The following DTNBP1 variants were observed in gnomAD, a reference collection of about 807,000 sequenced individuals.
DTNBP1 encodes dysbindin.
A neutral mutation model predicts 42.8 loss-of-function variants in DTNBP1; 35 were observed. The ratio of observed to expected loss-of-function variants is 0.82; its 90% CI spans 0.63 to 1.09. The LOEUF (loss-of-function observed/expected upper bound fraction) is 1.09, where lower values mean the gene tolerates loss of function less well. Ranked by LOEUF, DTNBP1 falls within the 50% of genes least tolerant of loss-of-function variation. The probability of loss-of-function intolerance (pLI) is 0.00; values close to 1 mark genes in which losing one functional copy is unlikely to be tolerated. For missense variants in DTNBP1, 457 were observed against 424.2 expected (o/e 1.08, Z -0.68); for synonymous variants, 171 against 162.2 (o/e 1.05, Z -0.41).
At chr6:15,534,516 C>T (rs1773092560) in intron 7 of DTNBP1, among the ~76,000 whole-genome samples, 1 of 151,964 alleles carries the variant, frequency 6.6e-6, no homozygotes, top group African/African-American at 2.4e-5. Context: ...AAAAATTAGC[C>T]AGGCATGGTG....
At chr6:15,577,979 G>A (rs1474473387) in intron 7 of DTNBP1, among the ~76,000 whole-genome samples, 2 of 152,234 alleles carry the variant, frequency 1.3e-5, no homozygotes, top group Non-Finnish European at 2.9e-5. Context: ...ACAGGCAAAA[G>A]GGATTAAGGA....
intron 2 of DTNBP1, among the ~76,000 whole-genome samples, chr6:15,651,776 T>C (rs533311887): frequency 2.2e-4 from 33 of 152,208 alleles, no homozygotes; most frequent in Non-Finnish European, 3.8e-4. Flanking sequence ...TATTTCATCA[T>C]TAATTTGCTT....
intron 7 of DTNBP1, among the ~76,000 whole-genome samples, chr6:15,572,236 G>C (rs976737201): frequency 1.3e-5 from 2 of 152,168 alleles, no homozygotes; most frequent in Non-Finnish European, 2.9e-5. Flanking sequence ...GACTTCAGAG[G>C]TTAGGTTACT....
At chr6:15,596,896 C>T (rs946904134) in intron 6 of DTNBP1, among the ~76,000 whole-genome samples, 1 of 152,172 alleles carries the variant, frequency 6.6e-6, no homozygotes, top group Non-Finnish European at 1.5e-5. Flanking sequence ...TTGGCTCATC[C>T]ATCTCCCTCA....
intron 7 of DTNBP1, among the ~76,000 whole-genome samples, chr6:15,582,081 C>T (rs1213752529): frequency 6.6e-6 from 1 of 152,030 alleles, no homozygotes; most frequent in Non-Finnish European, 1.5e-5. Flanking sequence ...AGTTCAAATA[C>T]AGTTAAAGAT....
intron 6 of DTNBP1, among the ~76,000 whole-genome samples, chr6:15,596,026 C>T (rs1776502525): frequency 2.0e-5 from 3 of 152,088 alleles, no homozygotes; most frequent in African/African-American, 7.2e-5. Flanking sequence ...GCAGTGAGTA[C>T]ACAGGAAACT....
chr6:15,538,592 T>A (rs918980603), intron 7 of DTNBP1, among the ~76,000 whole-genome samples: 1 of 152,236 alleles, frequency 6.6e-6, no homozygotes, highest in Non-Finnish European at 1.5e-5. Context: ...TTTGTGGTTA[T>A]CTATTACACA....
intron 3 of DTNBP1, among the ~76,000 whole-genome samples, chr6:15,638,356 G>C (rs1174202068): frequency 1.3e-5 from 2 of 152,014 alleles, no homozygotes; most frequent in African/African-American, 4.8e-5. Context: ...TCGAACTCCT[G>C]ATCCACCCAC....
intron 7 of DTNBP1, among the ~76,000 whole-genome samples, chr6:15,579,391 G>A (rs957996655): frequency 2.6e-5 from 4 of 152,198 alleles, no homozygotes; most frequent in East Asian, 1.9e-4. Context: ...GGCTGGGAAC[G>A]GAGAGTTAAC....
At chr6:15,582,690 G>C (rs991386576) in intron 7 of DTNBP1, among the ~76,000 whole-genome samples, 7 of 152,030 alleles carry the variant, frequency 4.6e-5, no homozygotes, top group African/African-American at 7.2e-5. Flanking sequence ...TAGAACTGAT[G>C]AGTCATCTTC....
intron 4 of DTNBP1, 151 bp downstream of exon 4, chr6:15,637,593 C>G: frequency 1.2e-6 from 1 of 805,718 alleles, no homozygotes. Flanking sequence ...GTGCTTTATT[C>G]AGGGAGTTTC....
intron 6 of DTNBP1, among the ~76,000 whole-genome samples, chr6:15,612,436 T>G (rs1048433734): frequency 1.8e-4 from 28 of 152,256 alleles, no homozygotes; most frequent in African/African-American, 6.8e-4. Context: ...GAGGTATTGC[T>G]ATCATATGTT....
chr6:15,526,037 A>C (rs1772361939), intron 8 of DTNBP1, among the ~76,000 whole-genome samples: 1 of 152,264 alleles, frequency 6.6e-6, no homozygotes, highest in South Asian at 2.1e-4. Flanking sequence ...GGAAATAATT[A>C]GGATGACAGG....
At chr6:15,621,206 T>C (rs981098566) in intron 5 of DTNBP1, among the ~76,000 whole-genome samples, 8 of 152,258 alleles carry the variant, frequency 5.3e-5, no homozygotes, top group Non-Finnish European at 8.8e-5. Flanking sequence ...TTCAAATGAT[T>C]TTTCTGAAAA....
intron 7 of DTNBP1, chr6:15,585,778 G>T (rs6926401): frequency 0.93 from 1,431,726 of 1,533,188 alleles, 668,935 homozygotes; most frequent in East Asian, 1. Context: ...GAGACCTGAA[G>T]GAGTGAACAG....
intron 6 of DTNBP1, among the ~76,000 whole-genome samples, chr6:15,601,877 AG>A (rs397974241): frequency 6.7e-6 from 1 of 148,250 alleles, no homozygotes; most frequent in Non-Finnish European, 1.5e-5. Context: ...AAAAAAAAAA[AG>A]GGTCCTAAAC....
chr6:15,562,599 TC>T (rs1374630486), intron 7 of DTNBP1, among the ~76,000 whole-genome samples: 2 of 152,194 alleles, frequency 1.3e-5, no homozygotes, highest in African/African-American at 4.8e-5. Context: ...AATTGCTGTG[TC>T]TAGGCTATTA....
chr6:15,533,248 T>G lies in DTNBP1; in HGVS notation c.659A>C (p.Glu220Ala), dbSNP rs1429929346. 5 of 1,613,844 alleles carry G rather than the reference T, an allele frequency of 3.1e-6. No homozygotes were observed. The highest frequency in any genetic ancestry group is 8.5e-7 in the Non-Finnish European group (1 of 1,180,014). The change falls in exon 8 of 10, where the codon GAG (glutamate) becomes GCG (alanine). Residue 220 changes from glutamate to alanine, a missense_variant. Physicochemically the swap from Glu to Ala is moderately radical, Grantham distance 107. Coordinates refer to ENST00000344537, the MANE Select transcript of DTNBP1 (RefSeq NM_032122.5). ...YLSTGYLQIA[E>A]RREPIGSMSS... ...CCCCAGCCCCCACTCGCCTCGCCGC[T>G]CTGCAATCTGCAGGTAGCCAGTGGA... is the stretch of plus-strand genomic sequence containing the variant.
chr6:15,552,577 C>A (rs1164998845), intron 7 of DTNBP1, among the ~76,000 whole-genome samples: 3 of 152,080 alleles, frequency 2.0e-5, no homozygotes, highest in African/African-American at 7.2e-5. Flanking sequence ...TGCTTGAGGC[C>A]AGGGGTTCAA....
Sources: gnomAD v4.1 joint callset for allele counts (sites outside exome capture counted in the v4.1 genomes callset) on GRCh38, gnomAD v4.1.1 for gene constraint, MANE v1.5 for transcripts, NCBI Gene and HGNC (gene_info 2026-07-23, HGNC 2026-07-21) for gene names.